STRBP: variants seen among roughly 807,000 people sequenced by gnomAD.
STRBP encodes the protein spermatid perinuclear RNA-binding protein.
In STRBP, 13 loss-of-function variants were observed where a neutral mutation model predicts 80.1. The ratio of observed to expected loss-of-function variants is 0.16; its 90% CI spans 0.11 to 0.26. The LOEUF (loss-of-function observed/expected upper bound fraction) is 0.26. STRBP is among the 10% of genes least tolerant of loss of function. STRBP has a pLI of 1.00. For synonymous variants in STRBP, 284 were observed against 291.2 expected (o/e 0.98, Z 0.25); for missense variants, 485 against 815.2 (o/e 0.59, Z 4.93).
chr9:123,128,139 ACC>A, intron 18 of STRBP, 73 bp downstream of exon 18: 1 of 1,555,208 alleles, frequency 6.4e-7, no homozygotes, highest in Middle Eastern at 1.7e-4. Context: ...ATTTACAAAA[ACC>A]CTAGATAGAA....
In STRBP at chr9:123,216,197, TGAA is replaced by T. The variant is rs549019711; in HGVS notation, c.-165+20630_-165+20632del. On this transcript the variant is annotated intron_variant, in intron 2 of 18. Transcript: ENST00000348403. The stretch of plus-strand genomic sequence containing the variant: ...AATCCTTTGCCTGGCATGGACTGAA[TGAA>T]GAAGACCTCCCATATCTCACACTGC... Among the ~76,000 whole-genome samples the T allele has an allele frequency of 1.6e-3, 250 of 152,326 alleles. 1 individual carries two copies. Among genetic ancestry groups the T allele is most frequent in the African/African-American group, 5.7e-3 (239 of 41,570 alleles).
At chr9:123,211,389 G>A (rs1031162136) in intron 2 of STRBP, among the ~76,000 whole-genome samples, 2 of 152,122 alleles carry the variant, frequency 1.3e-5, no homozygotes, top group Non-Finnish European at 2.9e-5. Context: ...GAAAGAGGGT[G>A]AATACAAAAT....
At chr9:123,204,474 T>C (rs768444832) in intron 2 of STRBP, among the ~76,000 whole-genome samples, 29 of 152,130 alleles carry the variant, frequency 1.9e-4, no homozygotes, top group Non-Finnish European at 3.4e-4. Flanking sequence ...AAACATGAAA[T>C]AGCACCAGAA....
At position 123,202,695 on chromosome 9, in the gene STRBP, T is replaced by TAAAAAAAATAGATAAAATAG. The variant is rs2039370216; in HGVS notation, c.-164-18398_-164-18397insCTATTTTATCTATTTTTTTT. ...GTACATTTAAAAATAGATAAAAGAG[T>TAAAAAAAATAGATAAAATAG]ATAACTGGAATGTCTGTTACACAAA... is the stretch of plus-strand genomic sequence containing the variant. On this transcript the variant is annotated intron_variant, in intron 2 of 18. Transcript: ENST00000348403. Among the ~76,000 whole-genome samples, 4 of 152,138 alleles carry TAAAAAAAATAGATAAAATAG rather than the reference T, an allele frequency of 2.6e-5. No individual in the cohort carries two copies. In the East Asian group the frequency reaches 7.7e-4, roughly 29 times the overall value.
chr9:123,262,395 G>A (rs1433955146), intron 1 of STRBP, among the ~76,000 whole-genome samples: 2 of 152,180 alleles, frequency 1.3e-5, no homozygotes, highest in African/African-American at 2.4e-5. Flanking sequence ...CTGCCCAATA[G>A]GATATTGTGA....
intron 2 of STRBP, among the ~76,000 whole-genome samples, chr9:123,192,113 G>T (rs1409323323): frequency 6.6e-6 from 1 of 152,164 alleles, no homozygotes; most frequent in Non-Finnish European, 1.5e-5. Flanking sequence ...GGGAGAGGAG[G>T]TTTTGGGAAT....
At position 123,121,888 on chromosome 9, in the gene STRBP, A is replaced by G. The variant is rs1352824906; in HGVS notation, c.*3709T>C. 2 of 154,036 alleles carry G rather than the reference A, an allele frequency of 1.3e-5. No individual in the cohort carries two copies. The highest frequency in any genetic ancestry group is 4.8e-5 in the African/African-American group (2 of 41,352). The allele number at this position is 154,036 out of a possible 1,614,324, so 9.5% of individuals were successfully genotyped here. A position where few individuals can be genotyped will look rare whatever the true frequency, so the allele number is the denominator to read the frequency against. ...TTAGATGAACTGTTCCTATCACTGAATTCTTACATTTAAACAGGTATGTGT... is the reference window on the plus strand; with the variant it reads ...TTAGATGAACTGTTCCTATCACTGAGTTCTTACATTTAAACAGGTATGTGT... On this transcript the variant is annotated 3_prime_UTR_variant, in exon 19 of 19. Transcript: ENST00000348403.
At chr9:123,120,226 A>G (rs2035708724), downstream of STRBP, among the ~76,000 whole-genome samples, 1 of 151,530 alleles carries the variant, frequency 6.6e-6, no homozygotes, top group Non-Finnish European at 1.5e-5. Flanking sequence ...CCTTTCCAAG[A>G]CTCCTAATAA....
At chr9:123,239,907 G>A (rs1263357886) in intron 1 of STRBP, among the ~76,000 whole-genome samples, 2 of 152,170 alleles carry the variant, frequency 1.3e-5, no homozygotes, top group East Asian at 3.8e-4. Flanking sequence ...TATGAGGCAA[G>A]TACAGGTATG....
chr9:123,156,978 T>G (rs896066899), intron 11 of STRBP, among the ~76,000 whole-genome samples: 3 of 152,066 alleles, frequency 2.0e-5, no homozygotes, highest in African/African-American at 7.2e-5. Flanking sequence ...CACATTTGAG[T>G]ATCCACTGTA....
At chr9:123,179,402 ACTC>A (rs2038359161) in intron 3 of STRBP, among the ~76,000 whole-genome samples, 175 bp from the exon 4 acceptor site, 1 of 152,148 alleles carries the variant, frequency 6.6e-6, no homozygotes, top group East Asian at 1.9e-4. Context: ...ATTCTACTGA[ACTC>A]CTCACCAGAA....
At chr9:123,257,417 A>AACACACAC (rs112138505) in intron 1 of STRBP, among the ~76,000 whole-genome samples, 1 of 147,656 alleles carries the variant, frequency 6.8e-6, no homozygotes. Context: ...AAAACACACA[A>AACACACAC]ACACACACAC....
chr9:123,200,990 C>T (rs1055664330), intron 2 of STRBP, among the ~76,000 whole-genome samples: 6 of 151,630 alleles, frequency 4.0e-5, no homozygotes, highest in African/African-American at 1.5e-4. Flanking sequence ...GGAATTTGAC[C>T]ATTTCCTCTG....
intron 6 of STRBP, among the ~76,000 whole-genome samples, chr9:123,167,101 T>C (rs1225874202): frequency 6.6e-6 from 1 of 152,050 alleles, no homozygotes; most frequent in Non-Finnish European, 1.5e-5. Flanking sequence ...TTCTGTCTGC[T>C]CTCAACCACT....
chr9:123,201,906 T>A (rs1185691896), intron 2 of STRBP, among the ~76,000 whole-genome samples: 2 of 152,222 alleles, frequency 1.3e-5, no homozygotes, highest in African/African-American at 4.8e-5. Context: ...GCAGTAATCG[T>A]TTTACAAATC....
At chr9:123,229,381 A>C (rs2040336024) in intron 2 of STRBP, among the ~76,000 whole-genome samples, 1 of 152,202 alleles carries the variant, frequency 6.6e-6, no homozygotes, top group Non-Finnish European at 1.5e-5. Context: ...TCATATGAGG[A>C]AGGAAATTAA....
chr9:123,261,056 C>G (rs192239951), intron 1 of STRBP, among the ~76,000 whole-genome samples: 1 of 152,286 alleles, frequency 6.6e-6, no homozygotes. Flanking sequence ...AGATCTACAA[C>G]TAGTAAATAG....
chr9:123,203,353 GA>G (rs199781674), intron 2 of STRBP, among the ~76,000 whole-genome samples: 49 of 134,930 alleles, frequency 3.6e-4, no homozygotes, highest in African/African-American at 3.8e-4. Flanking sequence ...CCCTAAAAAA[GA>G]AAAAAAAAAA....
chr9:123,250,008 A>G (rs1486743124), intron 1 of STRBP, among the ~76,000 whole-genome samples: 1 of 152,232 alleles, frequency 6.6e-6, no homozygotes, highest in Non-Finnish European at 1.5e-5. Context: ...TGTATAGATA[A>G]AAGATCCAAT....
Sources: gnomAD v4.1 joint callset for allele counts (sites outside exome capture counted in the v4.1 genomes callset) on GRCh38, gnomAD v4.1.1 for gene constraint, MANE v1.5 for transcripts, NCBI Gene and HGNC (gene_info 2026-07-23, HGNC 2026-07-21) for gene names.